SCN2A: variants seen among roughly 807,000 people sequenced by gnomAD.
SCN2A encodes sodium channel protein type 2 subunit alpha.
In SCN2A, 20 loss-of-function variants were observed where a neutral mutation model predicts 188.7. The ratio of observed to expected loss-of-function variants is 0.11; its 90% CI spans 0.07 to 0.15. The LOEUF is 0.15. Ranked by LOEUF, SCN2A falls within the 10% of genes least tolerant of loss-of-function variation. The probability of loss-of-function intolerance (pLI) is 1.00; values close to 1 mark genes in which losing one functional copy is unlikely to be tolerated. For missense variants in SCN2A, 1,278 were observed against 2,445.0 expected (o/e 0.52, Z 10.07); for synonymous variants, 804 against 833.1 (o/e 0.97, Z 0.60).
At chr2:165,304,326 C>T (rs1696998755) in intron 3 of SCN2A, among the ~76,000 whole-genome samples, 3 of 152,160 alleles carry the variant, frequency 2.0e-5, no homozygotes, top group African/African-American at 7.2e-5. Flanking sequence ...AACTCCTAAC[C>T]TCAAGTGATC....
At chr2:165,380,361 G>A (rs200775012) in intron 23 of SCN2A, among the ~76,000 whole-genome samples, 1 of 59,376 alleles carries the variant, frequency 1.7e-5, no homozygotes, top group Non-Finnish European at 4.1e-5. Flanking sequence ...GGGTGAAATT[G>A]TCTATAATCA....
intron 1 of SCN2A, among the ~76,000 whole-genome samples, chr2:165,248,934 A>G (rs1301762471): frequency 6.6e-6 from 1 of 152,158 alleles, no homozygotes; most frequent in African/African-American, 2.4e-5. Flanking sequence ...GACCCAGTGC[A>G]ATCTGCCTGA....
intron 1 of SCN2A, chr2:165,290,744 G>A (rs1013483799): frequency 2.9e-5 from 29 of 983,990 alleles, no homozygotes; most frequent in African/African-American, 1.2e-4. Context: ...AATATTGTGC[G>A]CTTGATTGCA....
chr2:165,346,904 G>A (rs913362368), intron 16 of SCN2A, among the ~76,000 whole-genome samples: 18 of 152,142 alleles, frequency 1.2e-4, no homozygotes, highest in Non-Finnish European at 2.4e-4. Context: ...ACCACTTCAC[G>A]CCAGTTAGAA....
chr2:165,381,159 G>T lies in SCN2A; in HGVS notation c.4513G>T (p.Gly1505Cys), dbSNP rs914104579. ...KKYYNAMKKL[G>C]SKKPQKPIPR... ...ATACTACAATGCAATGAAAAAACTGGGTTCAAAGAAACCACAAAAACCCAT... is the reference window on the plus strand; with the variant it reads ...ATACTACAATGCAATGAAAAAACTGTGTTCAAAGAAACCACAAAAACCCAT... The change falls in exon 25 of 27, where the codon GGT becomes TGT. Residue 1505 changes from glycine to cysteine, a missense_variant. By Grantham distance (159) the Gly-to-Cys change is radical (BLOSUM62 -3). This residue lies in a region of SCN2A where 97 missense variants were observed against 266.1 expected (regional missense o/e 0.36). Coordinates refer to ENST00000375437, the MANE Select transcript of SCN2A (RefSeq NM_001040142.2). 6.3e-7 allele frequency: 1 copy of T among 1,589,786 alleles called. No homozygotes were observed. Among genetic ancestry groups the T allele is most frequent in the Admixed American group, 1.8e-5 (1 of 56,620 alleles).
At chr2:165,279,145 A>T (rs1289943280) in intron 1 of SCN2A, among the ~76,000 whole-genome samples, 2 of 152,014 alleles carry the variant, frequency 1.3e-5, no homozygotes, top group Non-Finnish European at 2.9e-5. Flanking sequence ...CAATCCCAAT[A>T]ATTTGATTCA....
At chr2:165,294,878 A>T (rs1016089521) in intron 1 of SCN2A, among the ~76,000 whole-genome samples, 2 of 152,194 alleles carry the variant, frequency 1.3e-5, no homozygotes, top group Middle Eastern at 3.2e-3. Flanking sequence ...AAACTATCGT[A>T]AACTTATTAT....
chr2:165,348,135 T>C (rs1699697557), intron 16 of SCN2A, among the ~76,000 whole-genome samples: 2 of 151,802 alleles, frequency 1.3e-5, no homozygotes, highest in African/African-American at 4.8e-5. Flanking sequence ...GAAGTGGGCG[T>C]TTCACTTGAG....
At chr2:165,376,151 T>A (rs1701302833) in intron 22 of SCN2A, among the ~76,000 whole-genome samples, 1 of 151,810 alleles carries the variant, frequency 6.6e-6, no homozygotes, top group African/African-American at 2.4e-5. Flanking sequence ...TTAATAATAA[T>A]ATATTATATA....
chr2:165,261,955 T>C (rs1694613859), intron 1 of SCN2A, among the ~76,000 whole-genome samples: 1 of 152,112 alleles, frequency 6.6e-6, no homozygotes, highest in Non-Finnish European at 1.5e-5. Context: ...TACTGAAAAA[T>C]GTCACAAGTG....
intron 1 of SCN2A, among the ~76,000 whole-genome samples, chr2:165,289,299 TA>T (rs1695992331): frequency 6.6e-6 from 1 of 152,050 alleles, no homozygotes; most frequent in Non-Finnish European, 1.5e-5. Context: ...CATGATTTTT[TA>T]AAATTTTAAT....
chr2:165,312,587 G>A (rs547808163), intron 8 of SCN2A, among the ~76,000 whole-genome samples: 5 of 151,944 alleles, frequency 3.3e-5, no homozygotes, highest in Non-Finnish European at 2.9e-5. Flanking sequence ...TCTTGCCTTC[G>A]TTTCCTTATA....
chr2:165,309,946 C>T (rs997508), intron 6 of SCN2A, among the ~76,000 whole-genome samples: 85,963 of 151,942 alleles, frequency 0.57, 24,858 homozygotes, highest in Middle Eastern at 0.65. Context: ...TCTTACTACT[C>T]TATTCACATA....
rs777195187 is a variant in SCN2A at position 165,380,684 on chromosome 2, T to G, written c.4401T>G (p.Leu1467=). The change falls in exon 24 of 27, where the codon CTT becomes CTG. Residue 1467 remains leucine (L), a synonymous_variant. Transcript: ENST00000375437. The part of the protein sequence containing the change: ...IIFGSFFTLN[L]FIGVIIDNFN... ...TTGGTTCATTCTTTACCTTGAATCT[T>G]TTCATTGGTGTCATCATAGATAACT... 2.5e-6 allele frequency: 4 copies of G among 1,592,002 alleles called. No homozygotes were observed. The highest frequency in any genetic ancestry group is 3.4e-6 in the Non-Finnish European group (4 of 1,161,982).
chr2:165,291,486 C>CT (rs1559340230), intron 1 of SCN2A, among the ~76,000 whole-genome samples: 1 of 57,288 alleles, frequency 1.7e-5, no homozygotes, highest in Admixed American at 1.9e-4. Context: ...TTCTTTCTTT[C>CT]TTTCTTTTCT....
At chr2:165,289,627 C>T (rs1696009816) in intron 1 of SCN2A, among the ~76,000 whole-genome samples, 1 of 151,928 alleles carries the variant, frequency 6.6e-6, no homozygotes, top group African/African-American at 2.4e-5. Context: ...AAGGTCAGAA[C>T]AAATGGAAGA....
intron 5 of SCN2A, 133 bp downstream of exon 5, chr2:165,308,927 T>C: frequency 7.9e-7 from 1 of 1,264,474 alleles, no homozygotes; most frequent in Non-Finnish European, 1.1e-6. Flanking sequence ...TCCAATCAAA[T>C]TATCCAGTTT....
At chr2:165,340,613 G>T (rs1297797047) in intron 14 of SCN2A, among the ~76,000 whole-genome samples, 1 of 152,136 alleles carries the variant, frequency 6.6e-6, no homozygotes, top group Non-Finnish European at 1.5e-5. Context: ...CAGAAAAATA[G>T]ATTTTGAAAT....
rs191599955 is a variant in SCN2A at position 165,355,203 on chromosome 2, T to C, written c.3399+532T>C. The stretch of plus-strand genomic sequence containing the variant: ...TATGTATAGTTTATCTTTCCTGAAG[T>C]CAGTCAGTTTTTTTGAAGAGAAGGT... On this transcript the variant is annotated intron_variant, in intron 17 of 26. Coordinates refer to ENST00000375437, the MANE Select transcript of SCN2A (RefSeq NM_001040142.2). Among the ~76,000 whole-genome samples, 36 of 152,282 alleles carry C rather than the reference T, an allele frequency of 2.4e-4. 1 individual carries two copies. The highest frequency in any genetic ancestry group is 2.3e-3 in the Admixed American group (35 of 15,304).
Sources: allele counts gnomAD v4.1 joint callset (sites outside exome capture counted in the v4.1 genomes callset), GRCh38; gene constraint gnomAD v4.1.1; regional missense constraint gnomAD v4.1.1; transcripts MANE v1.5; gene names NCBI Gene and HGNC (gene_info 2026-07-23, HGNC 2026-07-21).